LRRC37A2: variants seen among roughly 807,000 people sequenced by gnomAD.
The protein encoded by LRRC37A2 is leucine-rich repeat-containing protein 37A2.
Under a neutral mutation model 68.8 loss-of-function variants are expected in LRRC37A2, and 9 were observed. The observed-to-expected ratio is 0.13, with a 90% CI of 0.08 to 0.23. The LOEUF (loss-of-function observed/expected upper bound fraction) is 0.23, where lower values mean the gene tolerates loss of function less well. Among genes scored for constraint, LRRC37A2 ranks in the 10% least tolerant of loss-of-function variants. The pLI, the probability that LRRC37A2 is intolerant of heterozygous loss-of-function variation, is 1.00. For synonymous variants in LRRC37A2, 63 were observed against 367.6 expected, an observed-to-expected ratio of 0.17 and a Z score of 9.48; for missense variants, 168 against 950.4, an observed-to-expected ratio of 0.18 and a Z score of 10.82.
the LRRC37A2 span, chr17:46,932,485 C>T: frequency 1.5e-5 from 9 of 593,766 alleles, no homozygotes; most frequent in Non-Finnish European, 2.7e-5. Flanking sequence ...GGTGGAAGTT[C>T]ACATGGTGGA....
At chr17:46,878,218 C>T in the LRRC37A2 span, among the ~76,000 whole-genome samples, 1 of 152,274 alleles carries the variant, frequency 6.6e-6, no homozygotes, top group Non-Finnish European at 1.5e-5. Flanking sequence ...TTTGCTGGCC[C>T]TGCCACGCCC....
the LRRC37A2 span, among the ~76,000 whole-genome samples, chr17:46,791,554 C>G: frequency 6.6e-6 from 1 of 152,162 alleles, no homozygotes; most frequent in African/African-American, 2.4e-5. Flanking sequence ...TCTGCAGAGC[C>G]TCACCTCCTC....
the LRRC37A2 span, chr17:46,978,534 C>T: frequency 3.6e-6 from 5 of 1,378,596 alleles, no homozygotes; most frequent in Non-Finnish European, 4.8e-6. Flanking sequence ...GCGCCCCAGG[C>T]ACGTAGCTGC....
chr17:46,488,687 A>C, the LRRC37A2 span, among the ~76,000 whole-genome samples: 50 of 141,650 alleles, frequency 3.5e-4, no homozygotes, highest in Non-Finnish European at 7.0e-4. Flanking sequence ...CCTGGGTGAC[A>C]GAACGAGACT....
At chr17:46,947,934 A>G in the LRRC37A2 span, among the ~76,000 whole-genome samples, 11 of 151,962 alleles carry the variant, frequency 7.2e-5, no homozygotes, top group Admixed American at 3.3e-4. Flanking sequence ...ACGCCTGGCT[A>G]ATTTTTCGTG....
rs1035880412 is a variant in LRRC37A2, at chr17:46,532,360, A to G, written c.2907-7816A>G. On this transcript the variant is annotated intron_variant, in intron 6 of 14. Coordinates refer to ENST00000576629, the Ensembl canonical transcript of LRRC37A2. ...GCATTTTTCCATCTACATTCATAAGAAATACTGGTCTGTAATTTTTTGTGT... is the reference window on the plus strand; with the variant it reads ...GCATTTTTCCATCTACATTCATAAGGAATACTGGTCTGTAATTTTTTGTGT... Among the ~76,000 whole-genome samples, 7 of 150,558 alleles carry G rather than the reference A, an allele frequency of 4.6e-5. 1 individual carries two copies. Among genetic ancestry groups the G allele is most frequent in the African/African-American group, 1.5e-4 (6 of 40,084 alleles).
the LRRC37A2 span, among the ~76,000 whole-genome samples, chr17:46,406,228 C>T: frequency 1.3e-4 from 3 of 23,646 alleles, no homozygotes; most frequent in Admixed American, 3.7e-4. Flanking sequence ...TTTGTTGGCT[C>T]GTAACTAATG....
the LRRC37A2 span, among the ~76,000 whole-genome samples, chr17:46,925,841 A>G: frequency 3.9e-5 from 6 of 152,338 alleles, no homozygotes; most frequent in Admixed American, 6.5e-5. Flanking sequence ...TACCTGAACA[A>G]TGAATGAATG....
At chr17:46,898,551 A>C in the LRRC37A2 span, among the ~76,000 whole-genome samples, 3 of 152,158 alleles carry the variant, frequency 2.0e-5, no homozygotes, top group Non-Finnish European at 2.9e-5. Context: ...AGACCTGGAG[A>C]AGGAAACTCA....
the LRRC37A2 span, among the ~76,000 whole-genome samples, chr17:46,767,504 C>T: frequency 1.3e-5 from 2 of 152,070 alleles, no homozygotes; most frequent in East Asian, 1.9e-4. Context: ...CATTTTGGCT[C>T]GCTGCTTGAG....
the LRRC37A2 span, among the ~76,000 whole-genome samples, chr17:46,836,105 T>TAC: frequency 2.7e-5 from 4 of 150,170 alleles, no homozygotes; most frequent in African/African-American, 9.8e-5. Context: ...CGTGTGTGTG[T>TAC]GTGTGTGTGT....
intron 6 of LRRC37A2, among the ~76,000 whole-genome samples, chr17:46,539,445 T>C (rs1202538716): frequency 4.0e-5 from 6 of 149,622 alleles, no homozygotes; most frequent in Admixed American, 2.0e-4. Context: ...AATTAAACCA[T>C]AAATTTTAAA....
the LRRC37A2 span, among the ~76,000 whole-genome samples, chr17:46,786,431 T>C: frequency 6.6e-6 from 1 of 152,206 alleles, no homozygotes; most frequent in Non-Finnish European, 1.5e-5. Flanking sequence ...GGGAAGGGCC[T>C]AGGCCCAGAG....
the LRRC37A2 span, chr17:46,704,969 A>G: frequency 1.1e-6 from 1 of 889,460 alleles, no homozygotes; most frequent in Non-Finnish European, 1.6e-6. Flanking sequence ...ATGCAGTTTC[A>G]TAAAATGAGA....
chr17:46,940,126 T>A, the LRRC37A2 span: 1 of 1,237,210 alleles, frequency 8.1e-7, no homozygotes. Flanking sequence ...ACCTCTCTTG[T>A]TCCCCTCCCC....
the LRRC37A2 span, among the ~76,000 whole-genome samples, chr17:46,717,134 A>G: frequency 1.3e-5 from 2 of 152,208 alleles, no homozygotes; most frequent in Non-Finnish European, 2.9e-5. Flanking sequence ...TGTGACACAT[A>G]TACACTGTGG....
chr17:46,863,465 A>G, the LRRC37A2 span, among the ~76,000 whole-genome samples: 1 of 152,222 alleles, frequency 6.6e-6, no homozygotes, highest in Non-Finnish European at 1.5e-5. Flanking sequence ...AGAGGAAGAA[A>G]GGAGTGTCTG....
chr17:46,497,091 G>C, the LRRC37A2 span, among the ~76,000 whole-genome samples: 1 of 132,114 alleles, frequency 7.6e-6, no homozygotes, highest in East Asian at 2.1e-4. Flanking sequence ...ATGGGGTTTT[G>C]CCATGTTGCC....
chr17:47,029,482 C>T, the LRRC37A2 span, among the ~76,000 whole-genome samples: 1 of 152,130 alleles, frequency 6.6e-6, no homozygotes, highest in African/African-American at 2.4e-5. Context: ...AAAGACTTTC[C>T]ACCTGCCTTG....
Sources: allele counts gnomAD v4.1 joint callset (sites outside exome capture counted in the v4.1 genomes callset), GRCh38; gene constraint gnomAD v4.1.1; transcripts MANE v1.5; gene names NCBI Gene and HGNC (gene_info 2026-07-23, HGNC 2026-07-21).